The following PTPRO variants were observed in gnomAD, a reference collection of about 807,000 sequenced individuals.
The protein encoded by PTPRO is protein tyrosine phosphatase receptor type O, also known as receptor-type tyrosine-protein phosphatase O.
A neutral mutation model predicts 145.2 loss-of-function variants in PTPRO; 62 were observed. That is an observed-to-expected ratio of 0.43 (90% CI 0.35 to 0.53). PTPRO has a LOEUF of 0.53. PTPRO is among the 20% of genes least tolerant of loss of function. PTPRO has a pLI of 0.01. For missense variants in PTPRO, 1,345 were observed against 1,482.7 expected (o/e 0.91, Z 1.53); for synonymous variants, 565 against 514.7 (o/e 1.10, Z -1.32).
chr12:15,572,587 A>G (rs1279310493), intron 19 of PTPRO, among the ~76,000 whole-genome samples: 2 of 152,142 alleles, frequency 1.3e-5, no homozygotes, highest in Admixed American at 6.5e-5. Context: ...CAGCTGATTT[A>G]TGATTAAAGA....
intron 1 of PTPRO, among the ~76,000 whole-genome samples, chr12:15,340,037 T>C (rs1163650681): frequency 6.6e-6 from 1 of 152,192 alleles, no homozygotes; most frequent in Non-Finnish European, 1.5e-5. Context: ...ACTGCCTTAT[T>C]GATAATGATG....
At chr12:15,418,348 C>G (rs1348444796) in intron 1 of PTPRO, among the ~76,000 whole-genome samples, 2 of 151,672 alleles carry the variant, frequency 1.3e-5, no homozygotes, top group Non-Finnish European at 2.9e-5. Flanking sequence ...AGCTAGATTC[C>G]CAGTACCTGG....
At chr12:15,405,231 T>C (rs1939615373) in intron 1 of PTPRO, among the ~76,000 whole-genome samples, 1 of 152,246 alleles carries the variant, frequency 6.6e-6, no homozygotes, top group African/African-American at 2.4e-5. Context: ...CATTGCTTTA[T>C]TGTCATATTC....
chr12:15,543,924 G>A (rs535101792), intron 12 of PTPRO, among the ~76,000 whole-genome samples: 3 of 152,186 alleles, frequency 2.0e-5, no homozygotes, highest in Non-Finnish European at 4.4e-5. Context: ...TTTCCCAGGA[G>A]GCAACACATC....
chr12:15,334,549 G>C (rs1866701947), intron 1 of PTPRO, among the ~76,000 whole-genome samples: 1 of 152,072 alleles, frequency 6.6e-6, no homozygotes, highest in South Asian at 2.1e-4. Flanking sequence ...TAAGTTGAAA[G>C]GTATTACATA....
intron 1 of PTPRO, among the ~76,000 whole-genome samples, chr12:15,452,460 T>C (rs1941071669): frequency 6.6e-6 from 1 of 151,934 alleles, no homozygotes; most frequent in African/African-American, 2.4e-5. Context: ...TTCCACAAAA[T>C]AGAGAAAGAG....
chr12:15,347,054 C>T (rs943514926), intron 1 of PTPRO, among the ~76,000 whole-genome samples: 5 of 152,118 alleles, frequency 3.3e-5, no homozygotes, highest in African/African-American at 1.2e-4. Flanking sequence ...CTCCCCTTAA[C>T]CCAACAAGTG....
chr12:15,530,370 C>G (rs1179009780), intron 12 of PTPRO, among the ~76,000 whole-genome samples: 1 of 152,076 alleles, frequency 6.6e-6, no homozygotes, highest in Non-Finnish European at 1.5e-5. Flanking sequence ...CACATGAGAC[C>G]CGATAGGCCT....
chr12:15,544,470 T>C (rs2135545271), intron 12 of PTPRO, among the ~76,000 whole-genome samples: 1 of 128,876 alleles, frequency 7.8e-6, no homozygotes, highest in Admixed American at 9.6e-5. Flanking sequence ...GCACCACCAC[T>C]GCACTCCAGC....
chr12:15,579,141 C>A (rs1944253680), intron 20 of PTPRO, among the ~76,000 whole-genome samples, 198 bp downstream of exon 20: 1 of 152,102 alleles, frequency 6.6e-6, no homozygotes, highest in South Asian at 2.1e-4. Context: ...AATTATTGTG[C>A]TTTTAAATGA....
intron 1 of PTPRO, among the ~76,000 whole-genome samples, chr12:15,408,232 T>C (rs1939699867): frequency 6.6e-6 from 1 of 152,148 alleles, no homozygotes; most frequent in African/African-American, 2.4e-5. Flanking sequence ...TATGCCACAT[T>C]GGAAAAAGAA....
At chr12:15,439,228 G>T (rs1221035370) in intron 1 of PTPRO, among the ~76,000 whole-genome samples, 2 of 152,294 alleles carry the variant, frequency 1.3e-5, no homozygotes, top group Non-Finnish European at 2.9e-5. Flanking sequence ...AGTCCTAGGG[G>T]AATTCATTAC....
chr12:15,322,868 T>G lies in PTPRO; in HGVS notation c.75+67T>G. ...GGCAGCCGCGCTCCGGCGCCCTCGC[T>G]CTGCCGTTGGGAGCGGCGCGCCCCA... On this transcript the variant is annotated intron_variant, in intron 1 of 26. Transcript: ENST00000281171. This position sits in a 1 kb window ranked among gnomAD's most constrained non-coding sequence, Gnocchi z 6.3. The G allele has an allele frequency of 6.5e-7, 1 of 1,532,774 alleles. No homozygotes were observed. Among genetic ancestry groups the G allele is most frequent in the South Asian group, 1.2e-5 (1 of 85,574 alleles). 94.9% of individuals were successfully genotyped at this position (1,532,774 alleles called of 1,614,324 possible). A position where few individuals can be genotyped will look rare whatever the true frequency, so the allele number is the denominator to read the frequency against.
intron 1 of PTPRO, among the ~76,000 whole-genome samples, chr12:15,467,031 C>T (rs1237039338): frequency 6.6e-6 from 1 of 152,056 alleles, no homozygotes; most frequent in Admixed American, 6.6e-5. Context: ...TTCAGAGGCT[C>T]GACTGCTAAT....
chr12:15,560,782 T>C (rs1038947551), intron 17 of PTPRO, among the ~76,000 whole-genome samples: 2 of 152,070 alleles, frequency 1.3e-5, no homozygotes, highest in Non-Finnish European at 2.9e-5. Flanking sequence ...CCCGCAATCC[T>C]GCAGAGAGTA....
rs560510943 is a variant in PTPRO, at chr12:15,434,580, AT to A, written c.76-49387del. Reference sequence around the variant, plus strand: ...GTGTTATTCACATAAATGCATGGGAATTTTTTTCCAATGTATGTAGGTGTTA... The same window carrying A: ...GTGTTATTCACATAAATGCATGGGAATTTTTTCCAATGTATGTAGGTGTTA... On this transcript the variant is annotated intron_variant, in intron 1 of 26. Coordinates refer to ENST00000281171, the MANE Select transcript of PTPRO (RefSeq NM_030667.3). Among the ~76,000 whole-genome samples the A allele has an allele frequency of 9.9e-5, 15 of 152,284 alleles. No individual in the cohort carries two copies. In the South Asian group the frequency reaches 2.9e-3, roughly 29 times the overall value.
At chr12:15,383,917 G>T (rs1259793600) in intron 1 of PTPRO, among the ~76,000 whole-genome samples, 1 of 152,134 alleles carries the variant, frequency 6.6e-6, no homozygotes, top group Admixed American at 6.5e-5. Context: ...ATACGTCAAA[G>T]AAATCTATTT....
chr12:15,364,852 A>G (rs1465566113), intron 1 of PTPRO, among the ~76,000 whole-genome samples: 1 of 152,174 alleles, frequency 6.6e-6, no homozygotes, highest in Admixed American at 6.6e-5. Flanking sequence ...TGAACAACAC[A>G]AGCATGCTTC....
chr12:15,515,800 T>C (rs1342758413), intron 8 of PTPRO, among the ~76,000 whole-genome samples, 182 bp downstream of exon 8: 1 of 151,970 alleles, frequency 6.6e-6, no homozygotes, highest in Admixed American at 6.6e-5. Context: ...TCTTAATATT[T>C]ATTACTTGGG....
Sources: gnomAD v4.1 joint callset for allele counts (sites outside exome capture counted in the v4.1 genomes callset) on GRCh38, gnomAD v4.1.1 for gene constraint, Gnocchi (gnomAD v3.1) non-coding constraint, MANE v1.5 for transcripts, NCBI Gene and HGNC (gene_info 2026-07-23, HGNC 2026-07-21) for gene names.